Variants in UBAP2 observed in about 807,000 individuals in gnomAD.
UBAP2 encodes ubiquitin associated protein 2.
A neutral mutation model predicts 139.6 loss-of-function variants in UBAP2; 75 were observed. The observed-to-expected ratio is 0.54, with a 90% CI of 0.45 to 0.65. The LOEUF (loss-of-function observed/expected upper bound fraction) is 0.65, where lower values mean the gene tolerates loss of function less well. Ranked by LOEUF, UBAP2 falls within the 30% of genes least tolerant of loss-of-function variation. UBAP2 has a pLI of 0.00. For missense variants in UBAP2, 1,368 were observed against 1,369.6 expected (o/e 1.00, Z 0.02); for synonymous variants, 526 against 526.2 (o/e 1.00, Z 0.01).
chr9:33,927,059 G>A lies in UBAP2; in HGVS notation c.2393C>T (p.Pro798Leu), dbSNP rs1301192010. The A allele has an allele frequency of 6.2e-7, 1 of 1,613,128 alleles. No homozygotes were observed. The highest frequency in any genetic ancestry group is 1.1e-5 in the South Asian group (1 of 90,970). ...GTGCAGCAGGGGAGGCACCCCCTGA[G>A]GTAAGTTTGGGGGTGCTTTGCCTGT... ...VTSGKAPPNLPQGVPPLLHNQ... is the reference protein window; with the variant it reads ...VTSGKAPPNLLQGVPPLLHNQ... Residue 798 changes from proline to leucine, a missense_variant, in exon 21 of 29, where the codon CCT becomes CTT. By Grantham distance (98) the Pro-to-Leu change is moderately conservative. Coordinates refer to ENST00000379238, the MANE Select transcript of UBAP2 (RefSeq NM_001370062.2).
intron 2 of UBAP2, among the ~76,000 whole-genome samples, chr9:34,006,945 G>A (rs906864977): frequency 1.3e-5 from 2 of 152,094 alleles, no homozygotes; most frequent in East Asian, 3.9e-4. Context: ...ACTATATAAT[G>A]AGTACCTGAA....
chr9:33,949,518 C>T (rs1345756259), intron 12 of UBAP2, among the ~76,000 whole-genome samples: 5 of 152,160 alleles, frequency 3.3e-5, no homozygotes, highest in East Asian at 1.9e-4. Flanking sequence ...GCCTGGCCAA[C>T]GTGGTGAAAC....
intron 2 of UBAP2, among the ~76,000 whole-genome samples, chr9:34,014,971 G>C (rs1444153160): frequency 6.6e-6 from 1 of 152,120 alleles, no homozygotes; most frequent in Non-Finnish European, 1.5e-5. Context: ...AATACCAGCA[G>C]AATACTACAC....
At chr9:33,995,103 TCCCAACA>T (rs1211873447) in intron 4 of UBAP2, 1 of 152,142 alleles carries the variant, frequency 6.6e-6, no homozygotes, top group Admixed American at 6.6e-5. Flanking sequence ...ACACTTGTAA[TCCCAACA>T]CTTTGGGAGG....
intron 3 of UBAP2, chr9:33,997,168 A>G (rs1403188100): frequency 6.6e-6 from 1 of 152,204 alleles, no homozygotes; most frequent in South Asian, 2.1e-4. Flanking sequence ...GATCTTCAAC[A>G]TGGTGCTATG....
Position 33,932,562 on chromosome 9 carries a change from T to G in UBAP2, c.2175A>C (p.Thr725=), listed in dbSNP as rs750761581. The G allele has an allele frequency of 5.1e-5, 83 of 1,613,818 alleles. No homozygotes were observed. The highest frequency in any genetic ancestry group is 6.7e-5 in the Admixed American group (4 of 60,006). The change falls in exon 19 of 29, where the codon ACA becomes ACC. Residue 725 remains threonine, a splice_region_variant and synonymous_variant. Transcript: ENST00000379238. ...AAGAGGAAGCCGCGCAGACACTTAC[T>G]GTGTGTGACGTGCTCGAGGAGAGGG... is the stretch of plus-strand genomic sequence containing the variant. ...HAALSSSTSH[T]HASVESASSH...
Position 33,927,954 on chromosome 9 carries a change from T to C in UBAP2, c.2214A>G (p.Ser738=). The C allele has an allele frequency of 6.2e-7, 1 of 1,613,966 alleles. No homozygotes were observed. Among genetic ancestry groups the C allele is most frequent in the Non-Finnish European group, 8.5e-7 (1 of 1,179,930 alleles). Residue 738 remains serine (S), a synonymous_variant, in exon 20 of 29, where the codon TCA becomes TCG. Transcript: ENST00000379238. ...AGGTCGCTGCCGTGGAGAAGGTGGC[T>C]GAGGACTGGTGGGAAGAGGCGCTCT... ...SVESASSHQS[S]ATFSTAATSV...
intron 16 of UBAP2, among the ~76,000 whole-genome samples, chr9:33,940,600 G>A (rs578235286): frequency 1.6e-4 from 24 of 152,318 alleles, no homozygotes; most frequent in African/African-American, 5.3e-4. Context: ...GCAACATGGT[G>A]ATACCCCGTC....
intron 10 of UBAP2, among the ~76,000 whole-genome samples, chr9:33,956,995 C>G (rs889039423): frequency 6.6e-6 from 1 of 151,272 alleles, no homozygotes; most frequent in Non-Finnish European, 1.5e-5. Context: ...GAGGCTGAGG[C>G]AGGAGAATCG....
intron 2 of UBAP2, among the ~76,000 whole-genome samples, chr9:34,001,872 T>C (rs1162877698): frequency 6.6e-6 from 1 of 151,926 alleles, no homozygotes; most frequent in East Asian, 1.9e-4. Context: ...AATTATAAGC[T>C]TTACAAGTCA....
At chr9:34,004,578 C>T (rs960428256) in intron 2 of UBAP2, among the ~76,000 whole-genome samples, 3 of 150,296 alleles carry the variant, frequency 2.0e-5, no homozygotes, top group Non-Finnish European at 3.0e-5. Context: ...GTCAGGAGAT[C>T]GAGACCATCC....
At chr9:33,977,868 T>C (rs913130810) in intron 6 of UBAP2, among the ~76,000 whole-genome samples, 1 of 151,710 alleles carries the variant, frequency 6.6e-6, no homozygotes, top group African/African-American at 2.4e-5. Flanking sequence ...TTTCACTGTG[T>C]TAGCCAGGAT....
intron 2 of UBAP2, among the ~76,000 whole-genome samples, chr9:34,008,275 G>A (rs921621301): frequency 6.7e-6 from 1 of 148,312 alleles, no homozygotes; most frequent in Non-Finnish European, 1.5e-5. Flanking sequence ...CTAAGATCGC[G>A]CCATTGCACT....
intron 12 of UBAP2, among the ~76,000 whole-genome samples, chr9:33,951,300 G>A (rs369753212): frequency 6.8e-6 from 1 of 146,606 alleles, no homozygotes; most frequent in East Asian, 2.1e-4. Flanking sequence ...TTACAGGGAT[G>A]AGCCACCATG....
intron 1 of UBAP2, among the ~76,000 whole-genome samples, chr9:34,046,338 A>G (rs953636850): frequency 6.6e-6 from 1 of 151,662 alleles, no homozygotes; most frequent in Non-Finnish European, 1.5e-5. Flanking sequence ...TCAACAATTC[A>G]AAGCTAACAT....
chr9:33,976,580 G>A (rs186951077), intron 6 of UBAP2, among the ~76,000 whole-genome samples: 11 of 152,268 alleles, frequency 7.2e-5, no homozygotes, highest in Admixed American at 6.5e-4. Context: ...ATACTTCTGC[G>A]GTGTGGAAAA....
chr9:34,027,690 T>A (rs1564069908), intron 1 of UBAP2, among the ~76,000 whole-genome samples: 1 of 116,946 alleles, frequency 8.6e-6, no homozygotes. Context: ...ACCCCATCTC[T>A]ACTAAAAATA....
intron 1 of UBAP2, among the ~76,000 whole-genome samples, chr9:34,028,440 C>T (rs1282386338): frequency 2.0e-5 from 3 of 151,444 alleles, no homozygotes; most frequent in Admixed American, 1.3e-4. Context: ...AGTGCAGTGG[C>T]GCAACACTGG....
chr9:34,040,961 C>T (rs1045603750), intron 1 of UBAP2, among the ~76,000 whole-genome samples: 1 of 152,180 alleles, frequency 6.6e-6, no homozygotes, highest in African/African-American at 2.4e-5. Context: ...ACATACCCTA[C>T]ATACAAACCA....
Sources: gnomAD v4.1 joint callset for allele counts (sites outside exome capture counted in the v4.1 genomes callset) on GRCh38, gnomAD v4.1.1 for gene constraint, MANE v1.5 for transcripts, NCBI Gene and HGNC (gene_info 2026-07-23, HGNC 2026-07-21) for gene names.